Variants in NRG2 observed in about 807,000 individuals in gnomAD.
The protein encoded by NRG2 is pro-neuregulin-2, membrane-bound isoform.
A neutral mutation model predicts 73.9 loss-of-function variants in NRG2; 27 were observed. The observed-to-expected ratio is 0.37, with a 90% confidence interval of 0.27 to 0.50. The LOEUF is 0.50. NRG2 is among the 20% of genes least tolerant of loss of function. The probability of loss-of-function intolerance (pLI) is 0.96; values close to 1 mark genes in which losing one functional copy is unlikely to be tolerated. For synonymous variants in NRG2, 532 were observed against 541.0 expected, an observed-to-expected ratio of 0.98 and a Z score of 0.23; for missense variants, 1,126 against 1,210.1, an observed-to-expected ratio of 0.93 and a Z score of 1.03.
chr5:139,968,585 G>C (rs1365853661), intron 1 of NRG2, among the ~76,000 whole-genome samples: 1 of 152,230 alleles, frequency 6.6e-6, no homozygotes, highest in Non-Finnish European at 1.5e-5. Flanking sequence ...GGAGGAAGGA[G>C]GGCTGGGAAG....
rs955053990 is a variant in NRG2 at position 139,853,299 on chromosome 5, C to T, written c.1293-272G>A. On this transcript the variant is annotated intron_variant, in intron 6 of 9. Transcript: ENST00000361474. This position sits in a 1 kb window ranked among gnomAD's most constrained non-coding sequence, Gnocchi z 4.1. ...CCGGGCAAGTTACTTAAGCTCTTCACGTTTCACTTTCCTCATCTATAAGAC... is the reference window on the plus strand; with the variant it reads ...CCGGGCAAGTTACTTAAGCTCTTCATGTTTCACTTTCCTCATCTATAAGAC... Among the ~76,000 whole-genome samples the T allele has an allele frequency of 2.0e-5, 3 of 152,246 alleles. No individual in the cohort carries two copies. The highest frequency in any genetic ancestry group is 3.8e-4 in the East Asian group (2 of 5,196).
chr5:139,853,416 A>G lies in NRG2; in HGVS notation c.1293-389T>C, dbSNP rs936476236. 6.6e-6 allele frequency among the ~76,000 whole-genome samples: 1 copy of G among 152,144 alleles called. No homozygotes were observed. The highest frequency in any genetic ancestry group is 1.5e-5 in the Non-Finnish European group (1 of 68,018). ...TGCTGACTCCCTCTCTCTCTCCCTCATTCATTAATTTGGTATGTATTGAGT... is the reference window on the plus strand; with the variant it reads ...TGCTGACTCCCTCTCTCTCTCCCTCGTTCATTAATTTGGTATGTATTGAGT... On this transcript the variant is annotated intron_variant, in intron 6 of 9. Coordinates refer to ENST00000361474, the MANE Select transcript of NRG2 (RefSeq NM_004883.3). This position sits in a 1 kb window ranked among gnomAD's most constrained non-coding sequence, Gnocchi z 4.1.
chr5:139,944,596 G>T (rs111933028), intron 1 of NRG2, among the ~76,000 whole-genome samples: 2 of 151,936 alleles, frequency 1.3e-5, no homozygotes, highest in South Asian at 2.1e-4. Flanking sequence ...ATTTCATTCC[G>T]TTTTATGGCT....
At chr5:139,917,598 G>A (rs1580729558) in intron 1 of NRG2, among the ~76,000 whole-genome samples, 1 of 152,078 alleles carries the variant, frequency 6.6e-6, no homozygotes, top group East Asian at 1.9e-4. Context: ...ATGATGTTGA[G>A]CATCTTTTTT....
At chr5:139,964,291 C>G (rs1023447389) in intron 1 of NRG2, among the ~76,000 whole-genome samples, 2 of 152,090 alleles carry the variant, frequency 1.3e-5, no homozygotes, top group Admixed American at 1.3e-4. Flanking sequence ...CTTTATGTAT[C>G]TCCTTTCCGG....
intron 1 of NRG2, among the ~76,000 whole-genome samples, chr5:139,919,965 T>A (rs540009603): frequency 1.3e-5 from 2 of 152,320 alleles, no homozygotes; most frequent in South Asian, 4.1e-4. Flanking sequence ...TCCTGTAAAC[T>A]TGCTTAGGTT....
rs1398030435 is a variant in NRG2, at chr5:139,887,689, T to C, written c.701-178A>G. Reference sequence around the variant, plus strand: ...CAATTCAATAAGCATTTATAATGAGTCTGTGATGACATCAATGTAGTTATA... The same window carrying C: ...CAATTCAATAAGCATTTATAATGAGCCTGTGATGACATCAATGTAGTTATA... On this transcript the variant is annotated intron_variant, in intron 1 of 9. Coordinates refer to ENST00000361474, the MANE Select transcript of NRG2 (RefSeq NM_004883.3). This position sits in a 1 kb window ranked among gnomAD's most constrained non-coding sequence, Gnocchi z 4.5. Among the ~76,000 whole-genome samples the C allele has an allele frequency of 6.6e-6, 1 of 152,086 alleles. No homozygotes were observed. The highest frequency in any genetic ancestry group is 1.5e-5 in the Non-Finnish European group (1 of 68,020).
In NRG2 at chr5:139,938,952, AG is replaced by A. The variant is rs1345601022; in HGVS notation, c.701-51442del. 2.1e-3 allele frequency among the ~76,000 whole-genome samples: 298 copies of A among 140,478 alleles called. 1 individual carries two copies. The highest frequency in any genetic ancestry group is 7.6e-3 in the African/African-American group (274 of 36,192). The allele number at this position is 140,478 out of a possible 152,430, so 92.2% of individuals were successfully genotyped here. On this transcript the variant is annotated intron_variant, in intron 1 of 9. Transcript: ENST00000361474. ...AAGAAAGAAAGAAAGAAAGAAAGAAAGAAAGAAAAAAGAAGGAAGGAAGGGA... is the reference window on the plus strand; with the variant it reads ...AAGAAAGAAAGAAAGAAAGAAAGAAAAAAGAAAAAAGAAGGAAGGAAGGGA...
At chr5:139,940,585 T>C (rs1194541983) in intron 1 of NRG2, among the ~76,000 whole-genome samples, 3 of 152,200 alleles carry the variant, frequency 2.0e-5, no homozygotes, top group Non-Finnish European at 4.4e-5. Context: ...AAGGTACATA[T>C]GGAATAGACT....
chr5:139,993,795 T>A (rs944629092), intron 1 of NRG2, among the ~76,000 whole-genome samples: 74 of 152,344 alleles, frequency 4.9e-4, no homozygotes, highest in African/African-American at 1.7e-3. Context: ...GTTACGCTGA[T>A]AAAGGAGTAT....
In NRG2 at chr5:139,924,927, G is replaced by A. The variant is rs971682969; in HGVS notation, c.701-37416C>T. Reference sequence around the variant, plus strand: ...TTTGGAATGGGGTCAAGGTAGAAGAGTGAAAATGACACAGGTGTGGGGATC... The same window carrying A: ...TTTGGAATGGGGTCAAGGTAGAAGAATGAAAATGACACAGGTGTGGGGATC... On this transcript the variant is annotated intron_variant, in intron 1 of 9. Transcript: ENST00000361474. 2.6e-5 allele frequency among the ~76,000 whole-genome samples: 4 copies of A among 152,330 alleles called. No homozygotes were observed. In the South Asian group the frequency reaches 8.3e-4, roughly 32 times the overall value.
At chr5:139,880,354 G>A (rs372940803) in intron 3 of NRG2, among the ~76,000 whole-genome samples, 1 of 152,164 alleles carries the variant, frequency 6.6e-6, no homozygotes, top group African/African-American at 2.4e-5. Flanking sequence ...GAGTGAGGAT[G>A]GCCTGTCGGG....
At chr5:140,010,632 G>T (rs530949134) in intron 1 of NRG2, among the ~76,000 whole-genome samples, 1 of 152,120 alleles carries the variant, frequency 6.6e-6, no homozygotes, top group African/African-American at 2.4e-5. Flanking sequence ...AAACAGGACA[G>T]AAAATATGCT....
chr5:139,856,030 C>T lies in NRG2; in HGVS notation c.1190-252G>A. ...TCCTCCTGAGTTCCCCTCCCCAAGC[C>T]CCATGCCTGCCCAGAGCACATGAGT... is the stretch of plus-strand genomic sequence containing the variant. On this transcript the variant is annotated intron_variant, in intron 5 of 9. Coordinates refer to ENST00000361474, the MANE Select transcript of NRG2 (RefSeq NM_004883.3). The surrounding 1 kb of genome is among the most constrained non-coding windows in gnomAD (Gnocchi z 4.2). 7.7e-6 allele frequency: 4 copies of T among 522,416 alleles called. No homozygotes were observed. In the South Asian group the frequency reaches 9.4e-5, roughly 12 times the overall value. The allele number at this position is 522,416 out of a possible 1,614,324, so 32.4% of individuals were successfully genotyped here.
At chr5:139,880,688 G>A (rs1460417706) in intron 3 of NRG2, among the ~76,000 whole-genome samples, 168 bp downstream of exon 3, 1 of 151,752 alleles carries the variant, frequency 6.6e-6, no homozygotes, top group Non-Finnish European at 1.5e-5. Context: ...TTTATGCTTC[G>A]ACTGCATTTC....
At position 140,042,880 on chromosome 5, in the gene NRG2, C is replaced by CT. The variant is rs1762052210; in HGVS notation, c.189dup (p.Glu64ArgfsTer145). 2 of 1,520,902 alleles carry CT rather than the reference C, an allele frequency of 1.3e-6. No individual in the cohort carries two copies. The highest frequency in any genetic ancestry group is 2.4e-5 in the South Asian group (2 of 82,406). 94.2% of individuals were successfully genotyped at this position (1,520,902 alleles called of 1,614,324 possible). The stretch of plus-strand genomic sequence containing the variant: ...TGCGGCTGTTGCTGCGGCCGCGGCT[C>CT]TGGGGGCGCAGCGGGACGAGAGATG... On this transcript the variant is annotated frameshift_variant, in exon 1 of 10. Coordinates refer to ENST00000361474, the MANE Select transcript of NRG2 (RefSeq NM_004883.3). LOFTEE classifies it high-confidence loss of function.
chr5:140,016,908 A>C (rs1163418672), intron 1 of NRG2, among the ~76,000 whole-genome samples: 1 of 152,236 alleles, frequency 6.6e-6, no homozygotes, highest in African/African-American at 2.4e-5. Flanking sequence ...AAGTCAGCAC[A>C]GGTGAGATCA....
chr5:140,023,145 C>G (rs554714021), intron 1 of NRG2, among the ~76,000 whole-genome samples: 1 of 152,298 alleles, frequency 6.6e-6, no homozygotes, highest in South Asian at 2.1e-4. Context: ...TCTATCATAT[C>G]CCTGCTCCAA....
chr5:139,976,950 C>T (rs890780095), intron 1 of NRG2, among the ~76,000 whole-genome samples: 1 of 152,154 alleles, frequency 6.6e-6, no homozygotes, highest in African/African-American at 2.4e-5. Flanking sequence ...TACTTAATCT[C>T]TTTGTGTCTT....
Sources: gnomAD v4.1 joint callset for allele counts (sites outside exome capture counted in the v4.1 genomes callset) on GRCh38, gnomAD v4.1.1 for gene constraint, Gnocchi (gnomAD v3.1) non-coding constraint, MANE v1.5 for transcripts, NCBI Gene and HGNC (gene_info 2026-07-23, HGNC 2026-07-21) for gene names.